The following RYR3 variants were observed in gnomAD, a reference collection of about 807,000 sequenced individuals.
RYR3 encodes brain ryanodine receptor-calcium release channel.
RYR3 carries 207 observed loss-of-function variants against 584.3 expected under a neutral mutation model. The ratio of observed to expected loss-of-function variants is 0.35; its 90% CI spans 0.32 to 0.40. RYR3 has a LOEUF of 0.40. Ranked by LOEUF, RYR3 falls within the 10% of genes least tolerant of loss-of-function variation. RYR3 has a pLI of 1.00. For missense variants in RYR3, 5,616 were observed against 6,089.2 expected (o/e 0.92, Z 2.59); for synonymous variants, 2,416 against 2,248.5 (o/e 1.07, Z -2.11).
At chr15:33,510,246 A>G (rs2052860478) in intron 3 of RYR3, among the ~76,000 whole-genome samples, 1 of 152,190 alleles carries the variant, frequency 6.6e-6, no homozygotes, top group Non-Finnish European at 1.5e-5. Context: ...TTTAACTTCA[A>G]GCAAATATCT....
chr15:33,574,463 A>G (rs150773196), intron 12 of RYR3, among the ~76,000 whole-genome samples: 28 of 152,222 alleles, frequency 1.8e-4, no homozygotes, highest in African/African-American at 1.9e-4. Context: ...TTTGTGTCTA[A>G]TAATAGCCCA....
chr15:33,762,575 C>T (rs1057114579), intron 60 of RYR3, among the ~76,000 whole-genome samples: 1 of 152,154 alleles, frequency 6.6e-6, no homozygotes, highest in Non-Finnish European at 1.5e-5. Context: ...TGAAGGACCT[C>T]TTCAAGGAGA....
intron 43 of RYR3, among the ~76,000 whole-genome samples, chr15:33,717,360 C>T (rs979595396): frequency 3.3e-5 from 5 of 152,286 alleles, no homozygotes; most frequent in Admixed American, 3.3e-4. Flanking sequence ...CGTTCTTCCC[C>T]GAGGATTCTC....
intron 24 of RYR3, among the ~76,000 whole-genome samples, chr15:33,633,678 G>A (rs28582856): frequency 2.0e-5 from 3 of 152,126 alleles, no homozygotes; most frequent in Non-Finnish European, 4.4e-5. Flanking sequence ...CAAACTATGG[G>A]GGGAGGAGGA....
At chr15:33,774,248 C>G (rs1011768565) in intron 64 of RYR3, among the ~76,000 whole-genome samples, 2 of 152,172 alleles carry the variant, frequency 1.3e-5, no homozygotes, top group Non-Finnish European at 2.9e-5. Context: ...TGTTGTTGTT[C>G]TGTTTAATCC....
At chr15:33,637,020 C>T (rs1331600150) in intron 27 of RYR3, among the ~76,000 whole-genome samples, 2 of 152,162 alleles carry the variant, frequency 1.3e-5, no homozygotes, top group Non-Finnish European at 2.9e-5. Flanking sequence ...TAGCTATTTC[C>T]TTGAATGAAA....
chr15:33,408,244 G>T (rs922056203), intron 1 of RYR3, among the ~76,000 whole-genome samples: 10 of 152,182 alleles, frequency 6.6e-5, no homozygotes, highest in African/African-American at 2.2e-4. Flanking sequence ...ACTTATAAGT[G>T]AGAACATGTA....
intron 86 of RYR3, 68 bp from the exon 87 acceptor site, chr15:33,834,900 C>T: frequency 3.3e-6 from 4 of 1,207,646 alleles, no homozygotes; most frequent in Non-Finnish European, 4.9e-6. Flanking sequence ...TATCAGATGC[C>T]CTTACTAGAC....
At chr15:33,745,660 G>A (rs2070619609) in intron 52 of RYR3, among the ~76,000 whole-genome samples, 1 of 152,186 alleles carries the variant, frequency 6.6e-6, no homozygotes, top group Non-Finnish European at 1.5e-5. Context: ...GCACTGGCAG[G>A]CAAGGGTTGC....
chr15:33,481,841 C>T (rs1043251043), intron 2 of RYR3, among the ~76,000 whole-genome samples: 1 of 148,266 alleles, frequency 6.7e-6, no homozygotes. Context: ...TAACTTATCA[C>T]AGTTTTCCTT....
In RYR3 at chr15:33,838,854, T is replaced by G; in HGVS notation, c.12874T>G (p.Leu4292Val). 6.2e-7 allele frequency: 1 copy of G among 1,613,966 alleles called. No individual in the cohort carries two copies. Among genetic ancestry groups the G allele is most frequent in the African/African-American group, 1.3e-5 (1 of 75,036 alleles). The change falls in exon 89 of 104, where the codon TTA becomes GTA. Residue 4292 changes from leucine (L) to valine (V), a missense_variant. By Grantham distance (32) the Leu-to-Val change is conservative. Transcript: ENST00000634891. ...FGLHPKKEGSLKHGPEVGLGD... is the reference protein window; with the variant it reads ...FGLHPKKEGSVKHGPEVGLGD... The stretch of plus-strand genomic sequence containing the variant: ...ACTCCACCCAAAGAAAGAGGGCAGC[T>G]TAAAGCATGGGCCTGAAGTGGGTTT...
chr15:33,567,218 C>G (rs1435384283), intron 12 of RYR3, among the ~76,000 whole-genome samples: 1 of 152,156 alleles, frequency 6.6e-6, no homozygotes, highest in Non-Finnish European at 1.5e-5. Context: ...AAAGTAACTT[C>G]TCACTGGAAG....
At chr15:33,614,610 A>T (rs1195889925) in intron 19 of RYR3, among the ~76,000 whole-genome samples, 1 of 151,980 alleles carries the variant, frequency 6.6e-6, no homozygotes, top group African/African-American at 2.4e-5. Context: ...TTGTGTTCTC[A>T]GCCTTTCTGA....
chr15:33,527,878 C>T (rs1385254251), intron 3 of RYR3, among the ~76,000 whole-genome samples: 1 of 152,100 alleles, frequency 6.6e-6, no homozygotes, highest in Admixed American at 6.5e-5. Context: ...CTGGTGAGAC[C>T]TGGTGGCAAT....
chr15:33,564,801 T>A (rs965783503), intron 11 of RYR3, among the ~76,000 whole-genome samples: 1 of 152,218 alleles, frequency 6.6e-6, no homozygotes, highest in Non-Finnish European at 1.5e-5. Flanking sequence ...ACTGTTAGAA[T>A]GTATGTGTGA....
rs767179013 is a variant in RYR3, at chr15:33,581,643, G to A, written c.1573G>A (p.Ala525Thr). 1 of 1,613,340 alleles carries A rather than the reference G, an allele frequency of 6.2e-7. No homozygotes were observed. Residue 525 changes from alanine (A) to threonine (T), a missense_variant and splice_region_variant, in exon 14 of 104, where the codon GCT becomes ACT. Ala to Thr is a moderately conservative substitution (Grantham distance 58). Coordinates refer to ENST00000634891, the MANE Select transcript of RYR3 (RefSeq NM_001036.6). Reference sequence around the variant, plus strand: ...TCTGAACCTCCTCTACAAATTGCTGGGTAAGTACACATACAGTGCCTTCTC... The same window carrying A: ...TCTGAACCTCCTCTACAAATTGCTGAGTAAGTACACATACAGTGCCTTCTC... ...EILNLLYKLL[A>T]ALIRGNRNNC... is the part of the protein sequence containing the mutation.
intron 74 of RYR3, among the ~76,000 whole-genome samples, chr15:33,814,460 A>G (rs1417831164): frequency 1.3e-5 from 2 of 152,260 alleles, no homozygotes; most frequent in Non-Finnish European, 2.9e-5. Context: ...TCTTTGGAAT[A>G]TCACATAAAG....
At chr15:33,604,832 C>T (rs1380966099) in intron 18 of RYR3, among the ~76,000 whole-genome samples, 1 of 152,208 alleles carries the variant, frequency 6.6e-6, no homozygotes, top group African/African-American at 2.4e-5. Context: ...AGGAAACTGT[C>T]TCTGAAGAAA....
intron 1 of RYR3, among the ~76,000 whole-genome samples, chr15:33,385,407 A>G (rs1022293933): frequency 2.0e-5 from 3 of 152,186 alleles, no homozygotes; most frequent in Non-Finnish European, 1.5e-5. Context: ...TCGACTGATT[A>G]TTTTTAGCTG....
Sources: allele counts gnomAD v4.1 joint callset (sites outside exome capture counted in the v4.1 genomes callset), GRCh38; gene constraint gnomAD v4.1.1; transcripts MANE v1.5; gene names NCBI Gene and HGNC (gene_info 2026-07-23, HGNC 2026-07-21).